The following ZNF638 variants were observed in gnomAD, a reference collection of about 807,000 sequenced individuals.
ZNF638 encodes CTCL tumor antigen se33-1.
In ZNF638, 46 loss-of-function variants were observed where a neutral mutation model predicts 195.6. The observed-to-expected ratio is 0.24, with a 90% CI of 0.19 to 0.30. The LOEUF is 0.30. Among genes scored for constraint, ZNF638 ranks in the 10% least tolerant of loss-of-function variants. ZNF638 has a pLI of 1.00. For synonymous variants in ZNF638, 845 were observed against 772.0 expected, an observed-to-expected ratio of 1.09 and a Z score of -1.57; for missense variants, 2,440 against 2,325.3, an observed-to-expected ratio of 1.05 and a Z score of -1.01.
At chr2:71,410,567 G>C (rs13397663) in intron 20 of ZNF638, among the ~76,000 whole-genome samples, 2 of 152,038 alleles carry the variant, frequency 1.3e-5, no homozygotes, top group Non-Finnish European at 2.9e-5. Flanking sequence ...TTAGGTATTA[G>C]AATACCATGA....
rs2080654696 is a variant in ZNF638 at position 71,431,320 on chromosome 2, A to G, written c.5651-7A>G. 2 of 1,606,596 alleles carry G rather than the reference A, an allele frequency of 1.2e-6. No individual in the cohort carries two copies. The highest frequency in any genetic ancestry group is 1.7e-6 in the Non-Finnish European group (2 of 1,175,816). ...CTGAATAGCTTTTTTTCCTCGAAAA[A>G]TTTTAGTTGATGAGGAATCTGGATT... On this transcript the variant is annotated splice_region_variant and splice_polypyrimidine_tract_variant and intron_variant, in intron 25 of 27. Transcript: ENST00000264447.
At chr2:71,365,822 T>G in intron 6 of ZNF638, 116 bp downstream of exon 6, 2 of 1,002,102 alleles carry the variant, frequency 2.0e-6, no homozygotes, top group Non-Finnish European at 2.9e-6. Flanking sequence ...TGGGCTCAAG[T>G]GATCCTCCTG....
At chr2:71,392,265 G>T (rs759974205) in intron 10 of ZNF638, among the ~76,000 whole-genome samples, 19 of 152,134 alleles carry the variant, frequency 1.2e-4, no homozygotes, top group Non-Finnish European at 2.9e-5. Flanking sequence ...AACAAAAGTA[G>T]TTCACTCCCT....
At chr2:71,419,974 C>CCCCTT (rs1189202093) in intron 21 of ZNF638, among the ~76,000 whole-genome samples, 1 of 27,022 alleles carries the variant, frequency 3.7e-5, no homozygotes, top group Non-Finnish European at 5.8e-5. Context: ...CCCCCCCCGC[C>CCCCTT]TTTTTTTTTT....
intron 2 of ZNF638, among the ~76,000 whole-genome samples, chr2:71,354,543 C>G (rs2078992099): frequency 6.6e-6 from 1 of 152,052 alleles, no homozygotes; most frequent in Non-Finnish European, 1.5e-5. Flanking sequence ...CGAGACCAGC[C>G]TGACAAACAT....
At chr2:71,408,500 G>T in intron 20 of ZNF638, 2 of 389,248 alleles carry the variant, frequency 5.1e-6, no homozygotes, top group Non-Finnish European at 4.6e-6. Flanking sequence ...CTACATTTTT[G>T]TGTATAGTGA....
chr2:71,356,893 A>G (rs1214708227), intron 3 of ZNF638, among the ~76,000 whole-genome samples: 3 of 152,040 alleles, frequency 2.0e-5, no homozygotes, highest in African/African-American at 7.3e-5. Flanking sequence ...GCTGTATTGG[A>G]TGCTCAAATA....
intron 10 of ZNF638, among the ~76,000 whole-genome samples, chr2:71,383,233 T>G (rs1386476497): frequency 6.6e-6 from 1 of 152,096 alleles, no homozygotes; most frequent in East Asian, 1.9e-4. Flanking sequence ...GAGAGTCTCT[T>G]GAACCTGGGA....
intron 11 of ZNF638, 82 bp from the exon 12 acceptor site, chr2:71,398,619 C>A (rs2079943435): frequency 9.1e-7 from 1 of 1,098,544 alleles, no homozygotes; most frequent in Non-Finnish European, 1.4e-6. Context: ...ATTATTCTTA[C>A]ATCTTTTTCT....
chr2:71,403,705 C>T (rs2080050560), intron 16 of ZNF638, 165 bp from the exon 17 acceptor site: 1 of 449,798 alleles, frequency 2.2e-6, no homozygotes, highest in Non-Finnish European at 3.9e-6. Flanking sequence ...TATTCTTAGT[C>T]TTTGGGCCTC....
intron 10 of ZNF638, among the ~76,000 whole-genome samples, chr2:71,383,803 T>C (rs1451730173): frequency 1.4e-4 from 19 of 140,254 alleles, no homozygotes; most frequent in South Asian, 6.9e-4. Flanking sequence ...GGTTTCACCT[T>C]GTTGGCCAGG....
chr2:71,430,701 T>G (rs571058059), intron 25 of ZNF638, among the ~76,000 whole-genome samples: 39 of 152,028 alleles, frequency 2.6e-4, no homozygotes, highest in African/African-American at 8.9e-4. Flanking sequence ...TGTAAAAGGG[T>G]TTTGTCAAGT....
intron 2 of ZNF638, among the ~76,000 whole-genome samples, chr2:71,353,613 GTGTA>G (rs1474372184): frequency 1.3e-5 from 2 of 152,182 alleles, no homozygotes; most frequent in Non-Finnish European, 2.9e-5. Flanking sequence ...CTAAGAATGT[GTGTA>G]TGTGTGTTGA....
At chr2:71,395,684 G>C in intron 10 of ZNF638, 1 of 473,268 alleles carries the variant, frequency 2.1e-6, no homozygotes, top group Non-Finnish European at 4.0e-6. Context: ...AGCGGCTCCA[G>C]CTTATCAGGG....
At position 71,400,473 on chromosome 2, in the gene ZNF638, T is replaced by C. The variant is rs760821868; in HGVS notation, c.2657-5T>C. ...GCATTGTTTTTAATTTTATTTTGTA[T>C]TAAGATGCTGCTTTGGAGGCCACAG... On this transcript the variant is annotated splice_polypyrimidine_tract_variant and splice_region_variant and intron_variant, in intron 14 of 27. Transcript: ENST00000264447. 5.6e-6 allele frequency: 9 copies of C among 1,604,006 alleles called. No homozygotes were observed. Among genetic ancestry groups the C allele is most frequent in the South Asian group, 1.1e-5 (1 of 88,730 alleles).
intron 27 of ZNF638, chr2:71,433,502 G>A: frequency 2.1e-6 from 1 of 474,018 alleles, no homozygotes; most frequent in Non-Finnish European, 3.8e-6. Context: ...AGATTCTGCA[G>A]ATCACTAGTC....
chr2:71,360,300 T>C (rs563025729), intron 3 of ZNF638, among the ~76,000 whole-genome samples: 1 of 152,366 alleles, frequency 6.6e-6, no homozygotes, highest in South Asian at 2.1e-4. Flanking sequence ...GCAGACATTA[T>C]GGGACATCAT....
intron 23 of ZNF638, 23 bp downstream of exon 23, chr2:71,424,738 T>C (rs199617203): frequency 1.3e-6 from 2 of 1,583,908 alleles, no homozygotes; most frequent in Non-Finnish European, 8.6e-7. Context: ...TCACAGACCC[T>C]AACCCTTCTT....
intron 26 of ZNF638, among the ~76,000 whole-genome samples, chr2:71,432,610 G>T (rs1016479598): frequency 3.9e-5 from 6 of 152,138 alleles, no homozygotes; most frequent in Non-Finnish European, 8.8e-5. Context: ...TATTCAACTT[G>T]GCATTATACC....
Sources: allele counts gnomAD v4.1 joint callset (sites outside exome capture counted in the v4.1 genomes callset), GRCh38; gene constraint gnomAD v4.1.1; transcripts MANE v1.5; gene names NCBI Gene and HGNC (gene_info 2026-07-23, HGNC 2026-07-21).